The following TMIGD3 variants were observed in gnomAD, a reference collection of about 807,000 sequenced individuals.
The protein encoded by TMIGD3 is AD026 protein (AD026).
In TMIGD3, 21 loss-of-function variants were observed where a neutral mutation model predicts 28.1. The ratio of observed to expected loss-of-function variants is 0.75; its 90% CI spans 0.53 to 1.08. The LOEUF is 1.08. Among genes scored for constraint, TMIGD3 ranks in the 50% least tolerant of loss-of-function variants. TMIGD3 has a pLI of 0.00. For synonymous variants in TMIGD3, 151 were observed against 162.1 expected (o/e 0.93, Z 0.52); for missense variants, 416 against 435.6 (o/e 0.96, Z 0.40).
chr1:111,495,927 C>T (rs1654867256), intron 1 of TMIGD3, among the ~76,000 whole-genome samples: 1 of 152,064 alleles, frequency 6.6e-6, no homozygotes, highest in South Asian at 2.1e-4. Flanking sequence ...TATTGCATGT[C>T]CTCCCTTATA....
chr1:111,486,364 G>A (rs1343927085), intron 4 of TMIGD3, among the ~76,000 whole-genome samples: 1 of 151,396 alleles, frequency 6.6e-6, no homozygotes, highest in East Asian at 1.9e-4. Context: ...ATAGCTAGAG[G>A]GCTTTTTTGC....
intron 1 of TMIGD3, among the ~76,000 whole-genome samples, chr1:111,554,850 T>G (rs961406806): frequency 3.3e-5 from 5 of 152,106 alleles, no homozygotes; most frequent in Non-Finnish European, 7.4e-5. Flanking sequence ...CTAAAAAAGT[T>G]CCAAAGAATG....
intron 1 of TMIGD3, among the ~76,000 whole-genome samples, chr1:111,528,780 TA>T (rs1656353142): frequency 6.6e-6 from 1 of 152,174 alleles, no homozygotes; most frequent in Non-Finnish European, 1.5e-5. Context: ...GATGATAATA[TA>T]AATAGTATTG....
At chr1:111,522,385 A>G (rs1656097331) in intron 1 of TMIGD3, among the ~76,000 whole-genome samples, 1 of 152,220 alleles carries the variant, frequency 6.6e-6, no homozygotes, top group Non-Finnish European at 1.5e-5. Context: ...TAATCTTACA[A>G]TCTACGAACA....
At chr1:111,557,092 G>A (rs545442172) in intron 1 of TMIGD3, among the ~76,000 whole-genome samples, 4 of 152,106 alleles carry the variant, frequency 2.6e-5, no homozygotes, top group African/African-American at 9.6e-5. Flanking sequence ...GATCTACAAA[G>A]AGAAATGTTA....
intron 4 of TMIGD3, among the ~76,000 whole-genome samples, chr1:111,486,339 C>T (rs1654367474): frequency 6.6e-6 from 1 of 152,012 alleles, no homozygotes; most frequent in Non-Finnish European, 1.5e-5. Flanking sequence ...TGATAAATGT[C>T]CCCTTTTAAT....
At chr1:111,493,218 A>C (rs74997666) in intron 1 of TMIGD3, among the ~76,000 whole-genome samples, 1 of 152,134 alleles carries the variant, frequency 6.6e-6, no homozygotes, top group Non-Finnish European at 1.5e-5. Context: ...TCATGCTGAA[A>C]TTTGATCCCC....
chr1:111,538,231 G>A (rs1656705967), intron 1 of TMIGD3, among the ~76,000 whole-genome samples: 1 of 152,132 alleles, frequency 6.6e-6, no homozygotes, highest in Non-Finnish European at 1.5e-5. Context: ...AAATACATAT[G>A]ATGGACAAGA....
rs1209968819 is a variant in TMIGD3, at chr1:111,545,360, T to C, written c.107+18486A>G. 2.6e-5 allele frequency among the ~76,000 whole-genome samples: 4 copies of C among 152,150 alleles called. No homozygotes were observed. In the East Asian group the frequency reaches 7.7e-4, roughly 29 times the overall value. ...TCTCATTGTAGTCTTAATTTGCATT[T>C]GTGTAATGACTAATGATGTTAAGCA... is the stretch of plus-strand genomic sequence containing the variant. On this transcript the variant is annotated intron_variant, in intron 1 of 5. Coordinates refer to the TMIGD3 transcript ENST00000369717.
chr1:111,490,395 T>C (rs189913037), intron 2 of TMIGD3: 8 of 468,128 alleles, frequency 1.7e-5, no homozygotes, highest in African/African-American at 1.2e-4. Context: ...TCATTCTAAT[T>C]TCAGTATATG....
chr1:111,522,208 G>C (rs2101004505), intron 1 of TMIGD3, among the ~76,000 whole-genome samples: 1 of 152,192 alleles, frequency 6.6e-6, no homozygotes, highest in East Asian at 1.9e-4. Context: ...ACTCCAACTT[G>C]GTTCTTTTTC....
chr1:111,540,677 G>C (rs1206095586), intron 1 of TMIGD3, among the ~76,000 whole-genome samples: 1 of 152,178 alleles, frequency 6.6e-6, no homozygotes, highest in Admixed American at 6.5e-5. Flanking sequence ...CAGCCTCACA[G>C]AGACTGGATA....
At chr1:111,497,242 C>T (rs1654931705) in intron 1 of TMIGD3, among the ~76,000 whole-genome samples, 1 of 152,184 alleles carries the variant, frequency 6.6e-6, no homozygotes, top group Non-Finnish European at 1.5e-5. Flanking sequence ...TCCCGAGTAG[C>T]TGGGACTACA....
intron 1 of TMIGD3, among the ~76,000 whole-genome samples, chr1:111,548,286 G>T (rs1233423912): frequency 1.3e-5 from 2 of 152,220 alleles, no homozygotes; most frequent in Non-Finnish European, 2.9e-5. Context: ...CTCCCAAAGT[G>T]CTGGGATTAC....
At chr1:111,535,265 G>A (rs1412239610) in intron 1 of TMIGD3, among the ~76,000 whole-genome samples, 1 of 152,126 alleles carries the variant, frequency 6.6e-6, no homozygotes, top group African/African-American at 2.4e-5. Context: ...GGTTCCTTTT[G>A]TGCTAACTTC....
intron 1 of TMIGD3, among the ~76,000 whole-genome samples, chr1:111,551,810 T>C (rs995586779): frequency 6.6e-6 from 1 of 152,012 alleles, no homozygotes; most frequent in Non-Finnish European, 1.5e-5. Flanking sequence ...TGCAACTTTA[T>C]TGGGGCATGC....
chr1:111,489,857 C>G, intron 2 of TMIGD3: 1 of 643,166 alleles, frequency 1.6e-6, no homozygotes, highest in Non-Finnish European at 1.9e-6. Context: ...CAGGATATTG[C>G]ACAATGAGGA....
chr1:111,552,619 CT>C (rs1199526353), intron 1 of TMIGD3, among the ~76,000 whole-genome samples: 1 of 152,082 alleles, frequency 6.6e-6, no homozygotes, highest in Non-Finnish European at 1.5e-5. Context: ...TAAAAGTCAC[CT>C]TTATCTATTT....
chr1:111,549,201 T>C (rs1657153886), intron 1 of TMIGD3, among the ~76,000 whole-genome samples: 2 of 152,148 alleles, frequency 1.3e-5, no homozygotes, highest in Non-Finnish European at 2.9e-5. Context: ...TAGAAGGTGT[T>C]AGGAAGTATC....
Sources: gnomAD v4.1 joint callset for allele counts (sites outside exome capture counted in the v4.1 genomes callset) on GRCh38, gnomAD v4.1.1 for gene constraint, MANE v1.5 for transcripts, NCBI Gene and HGNC (gene_info 2026-07-23, HGNC 2026-07-21) for gene names.